Variants in NLGN3 observed in about 807,000 individuals in gnomAD.
NLGN3 encodes the protein neuroligin-3.
NLGN3 carries 11 observed loss-of-function variants against 42.9 expected under a neutral mutation model. The observed-to-expected ratio is 0.26, with a 90% CI of 0.16 to 0.42. The LOEUF (loss-of-function observed/expected upper bound fraction) is 0.42. NLGN3 is among the 10% of genes least tolerant of loss of function. The pLI is 1.00. For missense variants in NLGN3, 374 were observed against 733.8 expected, an observed-to-expected ratio of 0.51 and a Z score of 5.67; for synonymous variants, 279 against 312.7, an observed-to-expected ratio of 0.89 and a Z score of 1.14.
intron 3 of NLGN3, 21 bp downstream of exon 3, chrX:71,148,926 G>A: frequency 1.0e-6 from 1 of 988,657 alleles, no homozygotes; most frequent in South Asian, 2.7e-5. Flanking sequence ...AGCCGGCGGG[G>A]AGGGAGAGAG....
At chrX:71,168,845 G>GA (rs1556351526) in intron 7 of NLGN3, among the ~76,000 whole-genome samples, 1 of 83,252 alleles carries the variant, frequency 1.2e-5, no homozygotes, top group East Asian at 3.3e-4. Flanking sequence ...AAGAAAGAAA[G>GA]AAAGAAAGAA....
chrX:71,147,986 C>G lies in NLGN3; in HGVS notation c.237C>G (p.Ile79Met), dbSNP rs756256945. 8.3e-7 allele frequency: 1 copy of G among 1,207,294 alleles called. No homozygotes were observed. The highest frequency in any genetic ancestry group is 1.1e-6 in the Non-Finnish European group (1 of 892,189). The change falls in exon 2 of 8, where the codon ATC becomes ATG. Residue 79 changes from isoleucine (I) to methionine (M), a missense_variant. Ile to Met is a conservative substitution (Grantham distance 10). Around this residue, in one of 6 missense-constraint regions of NLGN3, gnomAD observed 109 missense variants for 173.3 expected, o/e 0.63. Coordinates refer to ENST00000358741, the MANE Select transcript of NLGN3 (RefSeq NM_181303.2). ...GGGTGCCCTACGCAGCTCCCCCGAT[C>G]GGCGAGAAACGTTTCCTGCCCCCTG... Reference protein sequence around the residue: ...YLGVPYAAPPIGEKRFLPPEP... With the variant: ...YLGVPYAAPPMGEKRFLPPEP...
chrX:71,168,898 G>A (rs761029635), intron 7 of NLGN3, among the ~76,000 whole-genome samples: 10 of 100,571 alleles, frequency 9.9e-5, no homozygotes, highest in African/African-American at 4.4e-4. Flanking sequence ...AAGAAAGAAA[G>A]AAAGAAAAAG....
rs763800070 is a variant in NLGN3 at position 71,148,075 on chromosome X, A to G, written c.326A>G (p.Asn109Ser). The G allele has an allele frequency of 8.3e-7, 1 of 1,209,604 alleles. No homozygotes were observed. Among genetic ancestry groups the G allele is most frequent in the South Asian group, 1.8e-5 (1 of 56,883 alleles). The change falls in exon 2 of 8, where the codon AAC becomes AGC. Residue 109 changes from asparagine (N) to serine (S), a missense_variant. Transcript: ENST00000358741. ...ATHFPPVCPQNIHTAVPEVML... is the reference protein window; with the variant it reads ...ATHFPPVCPQSIHTAVPEVML... ...CACTTTCCCCCAGTGTGCCCCCAGA[A>G]CATCCACACAGCTGTGCCCGAAGTC...
chrX:71,155,085 C>A, intron 4 of NLGN3, 129 bp from the exon 5 acceptor site: 1 of 712,747 alleles, frequency 1.4e-6, no homozygotes, highest in Non-Finnish European at 2.2e-6. Flanking sequence ...ATGAGTCCTG[C>A]CCTCAGGGAT....
chrX:71,164,240 C>T lies in NLGN3; in HGVS notation c.825C>T (p.Phe275=), dbSNP rs777156416. Residue 275 remains phenylalanine (F), a synonymous_variant, in exon 6 of 8, where the codon TTC becomes TTT. Transcript: ENST00000358741. ...LRWVSENIAF[F]GGDPRRITVF... is the part of the protein sequence containing the mutation. ...GGGTGAGCGAGAATATTGCCTTCTT[C>T]GGGGGAGACCCCCGCCGGATCACTG... The T allele has an allele frequency of 4.9e-6, 6 of 1,212,369 alleles. No homozygotes were observed. Among genetic ancestry groups the T allele is most frequent in the Admixed American group, 4.3e-5 (2 of 46,155 alleles).
At chrX:71,151,253 G>C (rs1354649111) in intron 3 of NLGN3, among the ~76,000 whole-genome samples, 1 of 109,652 alleles carries the variant, frequency 9.1e-6, no homozygotes, top group Non-Finnish European at 1.9e-5. Flanking sequence ...AGGTTGCAGT[G>C]AGCCGAGGTG....
chrX:71,166,925 G>A (rs1052305096), intron 6 of NLGN3, 86 bp from the exon 7 acceptor site: 2 of 865,574 alleles, frequency 2.3e-6, no homozygotes, highest in Non-Finnish European at 3.3e-6. Context: ...TTAAACCATG[G>A]GGCAGCCTCA....
At chrX:71,146,151 T>TCA (rs1400594479) in intron 1 of NLGN3, among the ~76,000 whole-genome samples, 24 of 31,054 alleles carry the variant, frequency 7.7e-4, no homozygotes, top group African/African-American at 2.6e-3. Context: ...TCTCTCTCTC[T>TCA]CTCACACACA....
At chrX:71,152,886 C>T (rs371096178) in intron 3 of NLGN3, among the ~76,000 whole-genome samples, 133 of 111,478 alleles carry the variant, frequency 1.2e-3, no homozygotes, top group African/African-American at 4.1e-3. Flanking sequence ...CAAGGAAGAC[C>T]AGAGGGAAAG....
At chrX:71,153,347 C>G (rs746064949) in intron 3 of NLGN3, 130 bp from the exon 4 acceptor site, 1 of 648,625 alleles carries the variant, frequency 1.5e-6, no homozygotes, top group East Asian at 3.5e-5. Context: ...CTTGCCATCC[C>G]TCCTGCCTGT....
downstream of NLGN3, among the ~76,000 whole-genome samples, chrX:71,173,565 A>C (rs1281023444): frequency 8.9e-6 from 1 of 112,558 alleles, no homozygotes; most frequent in Non-Finnish European, 1.9e-5. Flanking sequence ...GTCAGTCCAC[A>C]TCCCTAGATT....
At chrX:71,157,287 CTTATTTATTTATTTATTTAT>C (rs397688201) in intron 5 of NLGN3, among the ~76,000 whole-genome samples, 7 of 99,886 alleles carry the variant, frequency 7.0e-5, no homozygotes, top group African/African-American at 2.7e-4. Flanking sequence ...TTTTAATTTG[CTTATTTATTTATTTATTTAT>C]TTATTTATTT....
chrX:71,159,520 C>T (rs1176477169), intron 5 of NLGN3, among the ~76,000 whole-genome samples: 2 of 110,904 alleles, frequency 1.8e-5, no homozygotes, highest in Non-Finnish European at 3.8e-5. Flanking sequence ...GATCAAATAT[C>T]ACCGAAAACT....
At position 71,147,477 on chromosome X, in the gene NLGN3, CA is replaced by C. The variant is rs113851212; in HGVS notation, c.-200-72del. 2.1e-5 allele frequency: 9 copies of C among 424,226 alleles called. No homozygotes were observed. The East Asian group carries it at 3.5e-4, about 17-fold the overall frequency. 35.0% of individuals were successfully genotyped at this position (424,226 alleles called of 1,213,427 possible). A position where few individuals can be genotyped will look rare whatever the true frequency, so the allele number is the denominator to read the frequency against. On this transcript the variant is annotated intron_variant, in intron 1 of 7. Transcript: ENST00000358741. ...CTATAAGAGAATAGCCCAAGCCCAG[CA>C]GGGCCCCCAAAGACCAACTCTGTTG...
intron 3 of NLGN3, among the ~76,000 whole-genome samples, chrX:71,150,308 C>T (rs2092385681): frequency 8.9e-6 from 1 of 111,894 alleles, no homozygotes; most frequent in South Asian, 3.7e-4. Flanking sequence ...AAGTCTTGTC[C>T]TTCAAGAACC....
intron 5 of NLGN3, among the ~76,000 whole-genome samples, chrX:71,157,474 C>T (rs897611625): frequency 1.1e-4 from 12 of 110,232 alleles, no homozygotes; most frequent in African/African-American, 4.0e-4. Context: ...CAGGCACCTG[C>T]TACCATGCCA....
chrX:71,171,289 C>T, downstream of NLGN3: 1 of 594,499 alleles, frequency 1.7e-6, no homozygotes, highest in Non-Finnish European at 2.0e-6. Context: ...GGCAGCCTCC[C>T]CCTGCCTCCT....
chrX:71,156,498 A>G (rs1268680058), intron 5 of NLGN3, among the ~76,000 whole-genome samples: 1 of 109,670 alleles, frequency 9.1e-6, no homozygotes, highest in African/African-American at 3.3e-5. Flanking sequence ...CCACACACAC[A>G]TCCACATATG....
Sources: allele counts gnomAD v4.1 joint callset (sites outside exome capture counted in the v4.1 genomes callset), GRCh38; gene constraint gnomAD v4.1.1; regional missense constraint gnomAD v4.1.1; transcripts MANE v1.5; gene names NCBI Gene and HGNC (gene_info 2026-07-23, HGNC 2026-07-21).